PALM2AKAP2: variants seen among roughly 807,000 people sequenced by gnomAD.
The protein encoded by PALM2AKAP2 is PALM2 and AKAP2 fusion.
A neutral mutation model predicts 71.5 loss-of-function variants in PALM2AKAP2; 37 were observed. The observed-to-expected ratio is 0.52, with a 90% CI of 0.40 to 0.68. The LOEUF (loss-of-function observed/expected upper bound fraction) is 0.68. Among genes scored for constraint, PALM2AKAP2 ranks in the 30% least tolerant of loss-of-function variants. PALM2AKAP2 has a pLI of 0.00. For synonymous variants in PALM2AKAP2, 468 were observed against 478.8 expected (o/e 0.98, Z 0.29); for missense variants, 1,224 against 1,191.8 (o/e 1.03, Z -0.40).
chr9:110,015,304 A>G (rs2132339294), intron 6 of PALM2AKAP2, among the ~76,000 whole-genome samples: 1 of 152,322 alleles, frequency 6.6e-6, no homozygotes, highest in African/African-American at 2.4e-5. Flanking sequence ...GGAGAAGAAG[A>G]AGAGTTCGTG....
intron 1 of PALM2AKAP2, among the ~76,000 whole-genome samples, chr9:109,743,698 C>T (rs1828754107): frequency 6.6e-6 from 1 of 152,220 alleles, no homozygotes; most frequent in Non-Finnish European, 1.5e-5. Flanking sequence ...CTTCCTTAGG[C>T]AGGCAACACT....
chr9:109,810,549 A>C, intron 1 of PALM2AKAP2, among the ~76,000 whole-genome samples: 1 of 152,146 alleles, frequency 6.6e-6, no homozygotes, highest in East Asian at 1.9e-4. Context: ...GTTTAGATGG[A>C]GAGGTGGAGG....
chr9:109,893,437 G>GTTTTCGTTTT (rs1554724202), intron 3 of PALM2AKAP2, among the ~76,000 whole-genome samples: 1 of 117,932 alleles, frequency 8.5e-6, no homozygotes, highest in Non-Finnish European at 1.8e-5. Context: ...TCTCAGCAGG[G>GTTTTCGTTTT]GTTTCGTTTT....
chr9:110,125,084 T>C (rs527903436), intron 1 of PALM2AKAP2, among the ~76,000 whole-genome samples: 51 of 152,300 alleles, frequency 3.3e-4, no homozygotes, highest in Middle Eastern at 3.4e-3. Context: ...ACATACCACA[T>C]GCATGTACAC....
At chr9:109,959,537 C>T (rs1446592035) in intron 6 of PALM2AKAP2, among the ~76,000 whole-genome samples, 4 of 149,862 alleles carry the variant, frequency 2.7e-5, no homozygotes, top group South Asian at 2.1e-4. Flanking sequence ...CCCAGCTACT[C>T]GGGAGGTTGA....
intron 3 of PALM2AKAP2, among the ~76,000 whole-genome samples, chr9:109,908,160 A>T (rs1314927919): frequency 6.6e-6 from 1 of 152,208 alleles, no homozygotes; most frequent in East Asian, 1.9e-4. Context: ...CTGCTTTCAT[A>T]GAGCAGTGAT....
At chr9:109,658,499 C>T (rs764524149) in intron 1 of PALM2AKAP2, among the ~76,000 whole-genome samples, 12 of 152,004 alleles carry the variant, frequency 7.9e-5, no homozygotes, top group Non-Finnish European at 1.0e-4. Context: ...CATGAGTGTC[C>T]GTACATAATA....
At chr9:109,774,603 A>G (rs1797118373) in intron 1 of PALM2AKAP2, among the ~76,000 whole-genome samples, 1 of 152,136 alleles carries the variant, frequency 6.6e-6, no homozygotes, top group South Asian at 2.1e-4. Context: ...TGTTTAAAAG[A>G]TGGAAAATGA....
intron 1 of PALM2AKAP2, among the ~76,000 whole-genome samples, chr9:110,113,878 C>T (rs1241720057): frequency 6.6e-6 from 1 of 152,188 alleles, no homozygotes; most frequent in East Asian, 1.9e-4. Context: ...GGCAACCCAC[C>T]TCTGAGAAGG....
At chr9:109,790,605 C>G (rs12685788) in intron 1 of PALM2AKAP2, among the ~76,000 whole-genome samples, 28,661 of 152,092 alleles carry the variant, frequency 0.19, 3,012 homozygotes, top group East Asian at 0.34. Flanking sequence ...TCCTGCATGT[C>G]ACATGAGAAA....
chr9:110,022,734 C>A (rs1411200816), intron 7 of PALM2AKAP2, among the ~76,000 whole-genome samples: 4 of 152,008 alleles, frequency 2.6e-5, no homozygotes, highest in African/African-American at 7.3e-5. Context: ...CCCTCTCCCC[C>A]CACCCCACAA....
intron 6 of PALM2AKAP2, among the ~76,000 whole-genome samples, chr9:109,997,829 C>T (rs1832603062): frequency 2.0e-5 from 3 of 152,190 alleles, no homozygotes; most frequent in Non-Finnish European, 4.4e-5. Flanking sequence ...CTGCCCTCCT[C>T]CTTCAAACCC....
At chr9:109,722,048 T>A (rs1235741138) in intron 1 of PALM2AKAP2, among the ~76,000 whole-genome samples, 1 of 152,154 alleles carries the variant, frequency 6.6e-6, no homozygotes, top group African/African-American at 2.4e-5. Context: ...ACCAATAGAG[T>A]CATACATGCA....
intron 1 of PALM2AKAP2, among the ~76,000 whole-genome samples, chr9:110,063,649 G>A: frequency 6.6e-6 from 1 of 151,762 alleles, no homozygotes; most frequent in East Asian, 1.9e-4. Context: ...TCACCACGTT[G>A]GCCAGGCTGG....
intron 1 of PALM2AKAP2, among the ~76,000 whole-genome samples, chr9:109,827,651 C>T (rs1454791825): frequency 6.6e-6 from 1 of 152,106 alleles, no homozygotes; most frequent in African/African-American, 2.4e-5. Flanking sequence ...GCATGATGAT[C>T]TACTGAATGA....
At chr9:109,654,225 T>C (rs1827264229) in intron 1 of PALM2AKAP2, among the ~76,000 whole-genome samples, 1 of 152,248 alleles carries the variant, frequency 6.6e-6, no homozygotes, top group Non-Finnish European at 1.5e-5. Context: ...GGATATAATA[T>C]GAATATGATG....
chr9:110,015,849 G>A (rs1832971490), intron 6 of PALM2AKAP2, 105 bp from the exon 7 acceptor site: 2 of 1,060,912 alleles, frequency 1.9e-6, no homozygotes, highest in East Asian at 2.6e-5. Context: ...GTCATCATCA[G>A]CTCCCTTTAC....
At chr9:110,048,769 G>A in exon 1 of PALM2AKAP2, 1 of 1,536,966 alleles carries the variant, frequency 6.5e-7, no homozygotes, top group African/African-American at 1.4e-5. Flanking sequence ...GGAGTCTCCT[G>A]GACCCCCGGA....
intron 1 of PALM2AKAP2, among the ~76,000 whole-genome samples, chr9:109,700,586 A>G (rs1828038801): frequency 6.6e-6 from 1 of 152,200 alleles, no homozygotes. Flanking sequence ...TCTGAATACA[A>G]CTGCCCCATG....
Sources: allele counts gnomAD v4.1 joint callset (sites outside exome capture counted in the v4.1 genomes callset), GRCh38; gene constraint gnomAD v4.1.1; transcripts MANE v1.5; gene names NCBI Gene and HGNC (gene_info 2026-07-23, HGNC 2026-07-21).